The following LHPP variants were observed in gnomAD, a reference collection of about 807,000 sequenced individuals.
LHPP encodes hLHPP.
LHPP carries 24 observed loss-of-function variants against 30.3 expected under a neutral mutation model. The observed-to-expected ratio is 0.79, with a 90% CI of 0.57 to 1.11. The LOEUF is 1.11. LHPP is among the 50% of genes most tolerant of loss of function. The pLI, the probability that LHPP is intolerant of heterozygous loss-of-function variation, is 0.00. For missense variants in LHPP, 356 were observed against 367.2 expected (o/e 0.97, Z 0.25); for synonymous variants, 150 against 157.1 (o/e 0.95, Z 0.34).
intron 6 of LHPP, among the ~76,000 whole-genome samples, chr10:124,594,329 CAAAA>C (rs71026102): frequency 0.18 from 13,859 of 74,962 alleles, 840 homozygotes; most frequent in Non-Finnish European, 0.23. Context: ...GACTCCATCT[CAAAA>C]AAAAAAAAAA....
intron 1 of LHPP, among the ~76,000 whole-genome samples, chr10:124,477,388 TCC>T (rs1197276250): frequency 2.0e-5 from 3 of 152,126 alleles, no homozygotes; most frequent in African/African-American, 4.8e-5. Context: ...ATAGGGACCC[TCC>T]AGCACACCAG....
At chr10:124,598,462 G>A (rs937960961) in intron 6 of LHPP, among the ~76,000 whole-genome samples, 3 of 152,206 alleles carry the variant, frequency 2.0e-5, no homozygotes, top group African/African-American at 7.2e-5. Context: ...GTGGCCTTGA[G>A]GTTCTATTGA....
At chr10:124,504,288 C>T (rs1953995648) in intron 5 of LHPP, among the ~76,000 whole-genome samples, 1 of 151,998 alleles carries the variant, frequency 6.6e-6, no homozygotes, top group Non-Finnish European at 1.5e-5. Context: ...AAAACCCTGC[C>T]ACTGCCTGGA....
At chr10:124,604,739 C>A (rs1186403513) in intron 6 of LHPP, among the ~76,000 whole-genome samples, 2 of 152,238 alleles carry the variant, frequency 1.3e-5, no homozygotes, top group East Asian at 1.9e-4. Context: ...TGCCAGTGCC[C>A]AGATCCCTGA....
At position 124,496,144 on chromosome 10, in the gene LHPP, A is replaced by G. The variant is rs1358205693; in HGVS notation, c.468-817A>G. Among the ~76,000 whole-genome samples the G allele has an allele frequency of 6.6e-6, 1 of 152,216 alleles. No individual in the cohort carries two copies. The highest frequency in any genetic ancestry group is 1.9e-4 in the East Asian group (1 of 5,196). ...CCCCCTTGTGTATTCTTGGCTTTCA[A>G]TGAACTGCGTCTTCAGAGCAGCGCA... On this transcript the variant is annotated intron_variant, in intron 3 of 6. Transcript: ENST00000368842. The surrounding 1 kb of genome is among the most constrained non-coding windows in gnomAD (Gnocchi z 4.3).
At chr10:124,465,134 G>A (rs1828886263) in intron 1 of LHPP, among the ~76,000 whole-genome samples, 1 of 152,178 alleles carries the variant, frequency 6.6e-6, no homozygotes, top group African/African-American at 2.4e-5. Context: ...GGTCGGGACA[G>A]CTCTGAGGAG....
intron 6 of LHPP, among the ~76,000 whole-genome samples, chr10:124,601,874 G>A (rs1046330907): frequency 1.3e-5 from 2 of 152,216 alleles, no homozygotes; most frequent in African/African-American, 4.8e-5. Context: ...CAGGCATCTG[G>A]GTGGCCCCAC....
chr10:124,582,941 A>T (rs373030098), intron 6 of LHPP, among the ~76,000 whole-genome samples: 1 of 152,056 alleles, frequency 6.6e-6, no homozygotes, highest in Non-Finnish European at 1.5e-5. Context: ...ATTGAGTAGG[A>T]TGTGAGTAGG....
chr10:124,563,722 A>T (rs1471388641), intron 6 of LHPP, among the ~76,000 whole-genome samples: 1 of 152,238 alleles, frequency 6.6e-6, no homozygotes, highest in Non-Finnish European at 1.5e-5. Context: ...AAAGTTTACT[A>T]AAGCAACAAT....
rs1954007646 is a variant in LHPP at position 124,504,580 on chromosome 10, A to G, written c.624+6452A>G. Among the ~76,000 whole-genome samples, 4 of 150,020 alleles carry G rather than the reference A, an allele frequency of 2.7e-5. No individual in the cohort carries two copies. In the South Asian group the frequency reaches 8.5e-4, roughly 32 times the overall value. ...GCACCACTGCACTCCAGCCTGGGCA[A>G]CTGAGCGAGACCCTGTCTCAAAAAA... On this transcript the variant is annotated intron_variant, in intron 5 of 6. Transcript: ENST00000368842.
At chr10:124,513,466 T>TG (rs1292175070) in intron 5 of LHPP, among the ~76,000 whole-genome samples, 1 of 134,850 alleles carries the variant, frequency 7.4e-6, no homozygotes. Context: ...TTATTACTTT[T>TG]TTTTTTTTTT....
chr10:124,517,073 G>A lies in LHPP; in HGVS notation c.625-107G>A. On this transcript the variant is annotated intron_variant, in intron 5 of 6. Coordinates refer to ENST00000368842, the MANE Select transcript of LHPP (RefSeq NM_022126.4). The surrounding 1 kb of genome is among the most constrained non-coding windows in gnomAD (Gnocchi z 4.1). ...ATCTTGTTTAATTTGTATGATGGTG[G>A]TTGTAAACATCAAATCAAGCCATTT... The A allele has an allele frequency of 4.5e-6, 3 of 666,040 alleles. No homozygotes were observed. The highest frequency in any genetic ancestry group is 7.6e-6 in the Non-Finnish European group (3 of 397,036). The allele number at this position is 666,040 out of a possible 1,614,324, so 41.3% of individuals were successfully genotyped here.
At chr10:124,489,767 CTT>C (rs113778319) in intron 3 of LHPP, 23 of 156,128 alleles carry the variant, frequency 1.5e-4, no homozygotes, top group South Asian at 1.0e-3. Flanking sequence ...TAATTTTTTT[CTT>C]TTTTTTTTTT....
Position 124,576,316 on chromosome 10 carries a change from G to A in LHPP, c.717-36948G>A. Among the ~76,000 whole-genome samples, 1 of 152,132 alleles carries A rather than the reference G, an allele frequency of 6.6e-6. No homozygotes were observed. Among genetic ancestry groups the A allele is most frequent in the Non-Finnish European group, 1.5e-5 (1 of 67,998 alleles). ...CATAAAGTACTAGTGTGGGGTATGA[G>A]GCAGCATGTGGGGGCGCTGGGGTGG... On this transcript the variant is annotated intron_variant, in intron 6 of 6. Transcript: ENST00000368842. This position sits in a 1 kb window ranked among gnomAD's most constrained non-coding sequence, Gnocchi z 4.2.
intron 6 of LHPP, among the ~76,000 whole-genome samples, chr10:124,578,711 G>A (rs141652918): frequency 4.6e-5 from 7 of 152,324 alleles, no homozygotes; most frequent in East Asian, 3.9e-4. Context: ...CTTACACCGC[G>A]CCACGCGTCA....
intron 6 of LHPP, among the ~76,000 whole-genome samples, chr10:124,574,473 C>T (rs771153961): frequency 3.3e-5 from 5 of 152,182 alleles, no homozygotes; most frequent in Non-Finnish European, 5.9e-5. Context: ...CTTTGATCTG[C>T]GGGAGGTGTT....
At chr10:124,502,143 C>G (rs573619816) in intron 5 of LHPP, among the ~76,000 whole-genome samples, 14 of 152,066 alleles carry the variant, frequency 9.2e-5, no homozygotes, top group African/African-American at 2.7e-4. Flanking sequence ...TCCCCATCAT[C>G]ATCGAGCAGT....
intron 1 of LHPP, among the ~76,000 whole-genome samples, chr10:124,468,884 G>C (rs112789631): frequency 2.1e-5 from 3 of 146,194 alleles, no homozygotes; most frequent in Non-Finnish European, 4.7e-5. Context: ...GCCCAGAGTG[G>C]CTGCGAAGGT....
intron 6 of LHPP, among the ~76,000 whole-genome samples, chr10:124,563,670 G>A (rs555065617): frequency 8.5e-5 from 13 of 152,226 alleles, no homozygotes; most frequent in South Asian, 4.1e-4. Flanking sequence ...AGTCAGTGGC[G>A]TTCTTACAAC....
Sources: gnomAD v4.1 joint callset for allele counts (sites outside exome capture counted in the v4.1 genomes callset) on GRCh38, gnomAD v4.1.1 for gene constraint, Gnocchi (gnomAD v3.1) non-coding constraint, MANE v1.5 for transcripts, NCBI Gene and HGNC (gene_info 2026-07-23, HGNC 2026-07-21) for gene names.